The following NDUFAF2 variants were observed in gnomAD, a reference collection of about 807,000 sequenced individuals.
NDUFAF2 encodes the protein NADH dehydrogenase [ubiquinone] 1 alpha subcomplex assembly factor 2.
In NDUFAF2, 13 loss-of-function variants were observed where a neutral mutation model predicts 22.8. The ratio of observed to expected loss-of-function variants is 0.57; its 90% confidence interval spans 0.37 to 0.91. NDUFAF2 has a LOEUF of 0.91. NDUFAF2 is among the 40% of genes least tolerant of loss of function. NDUFAF2 has a pLI of 0.01. For missense variants in NDUFAF2, 162 were observed against 195.2 expected (o/e 0.83, Z 1.01); for synonymous variants, 53 against 64.2 (o/e 0.83, Z 0.84).
At chr5:61,039,143 CAAAA>C (rs36065069) in intron 1 of NDUFAF2, among the ~76,000 whole-genome samples, 1 of 82,500 alleles carries the variant, frequency 1.2e-5, no homozygotes, top group African/African-American at 4.9e-5. Flanking sequence ...GCTGACAGGC[CAAAA>C]AAAAAAAAAA....
intron 3 of NDUFAF2, among the ~76,000 whole-genome samples, chr5:61,149,371 G>A (rs1298966083): frequency 1.3e-5 from 2 of 152,148 alleles, no homozygotes; most frequent in African/African-American, 2.4e-5. Context: ...CAGATAAACT[G>A]AGACTAAAAA....
intron 3 of NDUFAF2, among the ~76,000 whole-genome samples, chr5:61,117,198 C>G (rs1752922513): frequency 6.6e-6 from 1 of 152,116 alleles, no homozygotes; most frequent in Non-Finnish European, 1.5e-5. Flanking sequence ...AGTGCAGAGC[C>G]TGCTTTGTAA....
At chr5:61,152,035 G>A (rs965158386) in intron 3 of NDUFAF2, among the ~76,000 whole-genome samples, 1 of 152,106 alleles carries the variant, frequency 6.6e-6, no homozygotes, top group Non-Finnish European at 1.5e-5. Flanking sequence ...GTAATTTTGG[G>A]TATAGATCCT....
intron 1 of NDUFAF2, among the ~76,000 whole-genome samples, chr5:61,023,396 A>G (rs968678710): frequency 7.9e-5 from 12 of 152,054 alleles, no homozygotes; most frequent in Non-Finnish European, 1.5e-4. Context: ...TATTTGTAGT[A>G]TTTGAAGGGT....
At chr5:61,142,453 CATT>C (rs1392068753) in intron 3 of NDUFAF2, among the ~76,000 whole-genome samples, 2 of 152,120 alleles carry the variant, frequency 1.3e-5, no homozygotes. Context: ...TAACAGGAAT[CATT>C]GAGATAGCCT....
chr5:60,974,668 A>G (rs994099035), intron 1 of NDUFAF2, among the ~76,000 whole-genome samples: 1 of 151,888 alleles, frequency 6.6e-6, no homozygotes, highest in South Asian at 2.1e-4. Context: ...GTAATTTTAG[A>G]TCAATCTTAA....
At chr5:61,029,541 C>T (rs1751697403) in intron 1 of NDUFAF2, among the ~76,000 whole-genome samples, 1 of 152,098 alleles carries the variant, frequency 6.6e-6, no homozygotes, top group Non-Finnish European at 1.5e-5. Flanking sequence ...TTGCCAGCTA[C>T]TCTGCATTTT....
chr5:61,062,407 A>G (rs1580118248), intron 1 of NDUFAF2, among the ~76,000 whole-genome samples: 2 of 152,148 alleles, frequency 1.3e-5, no homozygotes, highest in East Asian at 3.9e-4. Flanking sequence ...GAATTCAATC[A>G]ATGAAATTAA....
intron 3 of NDUFAF2, among the ~76,000 whole-genome samples, chr5:61,105,089 T>TATATAGATATCCA (rs1561566250): frequency 6.6e-6 from 1 of 151,844 alleles, no homozygotes; most frequent in African/African-American, 2.4e-5. Context: ...TTCTCGGTTC[T>TATATAGATATCCA]GGTTGACATA....
intron 1 of NDUFAF2, among the ~76,000 whole-genome samples, chr5:61,055,396 T>G (rs1752075079): frequency 6.6e-6 from 1 of 152,198 alleles, no homozygotes; most frequent in Non-Finnish European, 1.5e-5. Context: ...TGAAATCAAG[T>G]GGTAAAGTAA....
At chr5:60,962,831 TA>T (rs76616114) in intron 1 of NDUFAF2, among the ~76,000 whole-genome samples, 315 of 142,856 alleles carry the variant, frequency 2.2e-3, no homozygotes, top group East Asian at 4.1e-3. Context: ...GACTGCATCT[TA>T]AAAAAAAAAA....
intron 1 of NDUFAF2, 146 bp from the exon 2 acceptor site, chr5:61,072,979 C>G: frequency 1.7e-6 from 1 of 601,370 alleles, no homozygotes; most frequent in East Asian, 2.9e-5. Flanking sequence ...TGTAATATAC[C>G]TAATTCAAAA....
chr5:61,029,415 T>C (rs1751696022), intron 1 of NDUFAF2, among the ~76,000 whole-genome samples: 1 of 152,194 alleles, frequency 6.6e-6, no homozygotes, highest in African/African-American at 2.4e-5. Context: ...AGTTGTTACC[T>C]GAAAGGTCAA....
intron 3 of NDUFAF2, among the ~76,000 whole-genome samples, chr5:61,127,998 C>A (rs1753058729): frequency 6.6e-6 from 1 of 152,078 alleles, no homozygotes; most frequent in Admixed American, 6.5e-5. Flanking sequence ...TCTTATACAC[C>A]AATAACAGAC....
chr5:61,110,589 G>A (rs1752827913), intron 3 of NDUFAF2, among the ~76,000 whole-genome samples: 1 of 151,748 alleles, frequency 6.6e-6, no homozygotes, highest in African/African-American at 2.4e-5. Context: ...TTTCTTCTAG[G>A]TTTTCCAATG....
chr5:60,994,520 T>C (rs1751203715), intron 1 of NDUFAF2, among the ~76,000 whole-genome samples: 1 of 152,228 alleles, frequency 6.6e-6, no homozygotes, highest in South Asian at 2.1e-4. Flanking sequence ...TTCCCTGCTG[T>C]GGACTGGGTG....
chr5:61,144,582 G>A (rs1741108417), intron 3 of NDUFAF2, among the ~76,000 whole-genome samples: 1 of 152,138 alleles, frequency 6.6e-6, no homozygotes, highest in South Asian at 2.1e-4. Context: ...TCTGGTCTGA[G>A]TGTGGCTCCA....
chr5:60,986,999 G>GT (rs895844015), intron 1 of NDUFAF2, among the ~76,000 whole-genome samples: 2 of 149,766 alleles, frequency 1.3e-5, no homozygotes, highest in African/African-American at 2.4e-5. Flanking sequence ...CCAGGAGATA[G>GT]TTTTTTTGAA....
intron 3 of NDUFAF2, among the ~76,000 whole-genome samples, chr5:61,104,042 G>A (rs1280105095): frequency 6.6e-6 from 1 of 152,076 alleles, no homozygotes; most frequent in Admixed American, 6.6e-5. Flanking sequence ...GACAGGTTAG[G>A]CTAAGCTATA....
Sources: allele counts gnomAD v4.1 joint callset (sites outside exome capture counted in the v4.1 genomes callset), GRCh38; gene constraint gnomAD v4.1.1; transcripts MANE v1.5; gene names NCBI Gene and HGNC (gene_info 2026-07-23, HGNC 2026-07-21).